FOCAD: variants seen among roughly 807,000 people sequenced by gnomAD.
FOCAD encodes the protein focadhesin, also known as KIAA1797.
In FOCAD, 198 loss-of-function variants were observed where a neutral mutation model predicts 225.6. The observed-to-expected ratio is 0.88, with a 90% CI of 0.78 to 0.99. The LOEUF is 0.99. Among genes scored for constraint, FOCAD ranks in the 50% least tolerant of loss-of-function variants. The pLI is 0.00. For synonymous variants in FOCAD, 897 were observed against 755.0 expected (o/e 1.19, Z -3.08); for missense variants, 2,713 against 2,123.6 (o/e 1.28, Z -5.46).
chr9:20,776,931 TGTGTTG>T (rs1818815547), intron 8 of FOCAD, among the ~76,000 whole-genome samples: 1 of 152,222 alleles, frequency 6.6e-6, no homozygotes, highest in South Asian at 2.1e-4. Context: ...ATACTGTAAG[TGTGTTG>T]GTTTCAAAAT....
At chr9:20,854,608 A>G (rs1194850098) in intron 15 of FOCAD, among the ~76,000 whole-genome samples, 2 of 151,798 alleles carry the variant, frequency 1.3e-5, no homozygotes, top group African/African-American at 4.8e-5. Flanking sequence ...TTGTGGAAGA[A>G]TAACATGGGA....
chr9:20,946,722 T>G lies in FOCAD; in HGVS notation c.3577T>G (p.Cys1193Gly). Residue 1193 changes from cysteine (C) to glycine (G), a missense_variant, in exon 30 of 44, where the codon TGT (cysteine) becomes GGT (glycine). Transcript: ENST00000338382. ...TCAGGTCCTTGCCTACACACTTAGC[T>G]GTGTATGTACATCAGCGTTCAGTGC... is the stretch of plus-strand genomic sequence containing the variant. Reference protein sequence around the residue: ...FQEVLAYTLSCVCTSAFSAGI... With the variant: ...FQEVLAYTLSGVCTSAFSAGI... 6.2e-7 allele frequency: 1 copy of G among 1,613,518 alleles called. No individual in the cohort carries two copies. Among genetic ancestry groups the G allele is most frequent in the South Asian group, 1.1e-5 (1 of 91,044 alleles).
Position 20,823,000 on chromosome 9 carries a change from A to G in FOCAD, c.1805A>G (p.His602Arg), listed in dbSNP as rs754854567. 24 of 1,597,912 alleles carry G rather than the reference A, an allele frequency of 1.5e-5. No individual in the cohort carries two copies. The highest frequency in any genetic ancestry group is 2.0e-5 in the Non-Finnish European group (23 of 1,174,962). The change falls in exon 15 of 44, where the codon CAT becomes CGT. Residue 602 changes from histidine to arginine, a missense_variant. Physicochemically the swap from His to Arg is conservative, Grantham distance 29 (BLOSUM62 0). Transcript: ENST00000338382. ...RDICKQRPYQHGADMLAAISQ... is the reference protein window; with the variant it reads ...RDICKQRPYQRGADMLAAISQ... Reference sequence around the variant, plus strand: ...TTCATTTCTTGTAGGCCATATCAACATGGTGCAGATATGTTGGCAGCTATT... The same window carrying G: ...TTCATTTCTTGTAGGCCATATCAACGTGGTGCAGATATGTTGGCAGCTATT...
intron 22 of FOCAD, among the ~76,000 whole-genome samples, chr9:20,910,610 T>C (rs1041920624): frequency 2.6e-5 from 4 of 152,080 alleles, no homozygotes; most frequent in African/African-American, 4.8e-5. Flanking sequence ...AGATTAATCA[T>C]TGGAATCTAC....
intron 8 of FOCAD, among the ~76,000 whole-genome samples, chr9:20,772,843 C>T (rs1450775692): frequency 2.0e-5 from 3 of 151,708 alleles, no homozygotes; most frequent in Admixed American, 1.3e-4. Flanking sequence ...TATACTGGGA[C>T]TCTAAATAAC....
intron 1 of FOCAD, among the ~76,000 whole-genome samples, chr9:20,693,324 C>T (rs1175335953): frequency 1.3e-5 from 2 of 152,202 alleles, no homozygotes; most frequent in Non-Finnish European, 2.9e-5. Context: ...TCAGGCTACT[C>T]GAGTACTTCC....
intron 2 of FOCAD, among the ~76,000 whole-genome samples, chr9:20,671,248 A>G (rs147700874): frequency 1.3e-5 from 2 of 152,344 alleles, no homozygotes; most frequent in East Asian, 1.9e-4. Context: ...AAACATCTAT[A>G]TATTGAACTC....
intron 2 of FOCAD, among the ~76,000 whole-genome samples, chr9:20,660,659 C>T (rs1187510066): frequency 6.6e-6 from 1 of 151,912 alleles, no homozygotes; most frequent in African/African-American, 2.4e-5. Flanking sequence ...GAGAAGTGGC[C>T]AACAGTATCA....
At position 20,976,558 on chromosome 9, in the gene FOCAD, A is replaced by G. The variant is rs1246056499; in HGVS notation, c.4261+10A>G. The G allele has an allele frequency of 1.2e-6, 2 of 1,611,780 alleles. No individual in the cohort carries two copies. The highest frequency in any genetic ancestry group is 2.2e-5 in the South Asian group (2 of 91,038). ...ATGAGGCTAAATTTTGGTAAATATC[A>G]TGTGTTTTTAAGTCTTCAGACTTTG... On this transcript the variant is annotated intron_variant, in intron 36 of 43. Coordinates refer to ENST00000338382, the MANE Select transcript of FOCAD (RefSeq NM_001375567.1).
At chr9:20,781,683 T>C (rs756514721) in intron 9 of FOCAD, 44 bp from the exon 10 acceptor site, 2 of 1,564,358 alleles carry the variant, frequency 1.3e-6, no homozygotes, top group South Asian at 2.2e-5. Context: ...TGTTTGACTG[T>C]GGTATTAATT....
At chr9:20,758,568 A>G (rs373141562) in intron 6 of FOCAD, among the ~76,000 whole-genome samples, 1 of 122,040 alleles carries the variant, frequency 8.2e-6, no homozygotes, top group Non-Finnish European at 1.6e-5. Context: ...TCCTGTGTCC[A>G]TGTGTTCTCA....
intron 32 of FOCAD, 71 bp downstream of exon 32, chr9:20,948,999 G>C: frequency 7.2e-7 from 1 of 1,396,322 alleles, no homozygotes; most frequent in Non-Finnish European, 1.0e-6. Flanking sequence ...AGAATACCCA[G>C]TGTTTTAGTA....
intron 6 of FOCAD, among the ~76,000 whole-genome samples, chr9:20,761,652 C>A (rs537271462): frequency 1.2e-4 from 19 of 152,186 alleles, no homozygotes; most frequent in Middle Eastern, 3.4e-3. Flanking sequence ...AATATCCTGA[C>A]CTCATGATCC....
intron 35 of FOCAD, among the ~76,000 whole-genome samples, chr9:20,960,339 T>G (rs1314157488): frequency 6.6e-6 from 1 of 152,234 alleles, no homozygotes; most frequent in Non-Finnish European, 1.5e-5. Context: ...ACGTCTCAGC[T>G]GCCTCCACTG....
chr9:20,957,588 C>T, intron 35 of FOCAD: 1 of 142,970 alleles, frequency 7.0e-6, no homozygotes, highest in Non-Finnish European at 1.5e-5. Context: ...GATTGGCCTG[C>T]CTCAGCCTCC....
chr9:20,826,883 T>C (rs1255735744), intron 15 of FOCAD, among the ~76,000 whole-genome samples: 1 of 152,144 alleles, frequency 6.6e-6, no homozygotes, highest in Non-Finnish European at 1.5e-5. Flanking sequence ...AAATAATTAA[T>C]GTTCCTGCAT....
chr9:20,866,878 TGTTTGCTTGC>T, intron 17 of FOCAD, 41 bp from the exon 18 acceptor site: 1 of 1,145,296 alleles, frequency 8.7e-7, no homozygotes, highest in Non-Finnish European at 1.2e-6. Flanking sequence ...TGTGTTTTTT[TGTTTGCTTGC>T]TTTTTTTTTT....
chr9:20,677,949 G>A (rs1822283951), intron 2 of FOCAD, among the ~76,000 whole-genome samples: 1 of 152,138 alleles, frequency 6.6e-6, no homozygotes, highest in Admixed American at 6.5e-5. Flanking sequence ...AAAGATGATT[G>A]GATAAAGAAA....
At chr9:20,817,145 T>C (rs951565544) in intron 11 of FOCAD, among the ~76,000 whole-genome samples, 1 of 152,208 alleles carries the variant, frequency 6.6e-6, no homozygotes, top group Non-Finnish European at 1.5e-5. Context: ...ATCAAGTAAG[T>C]GCTTTGCTTA....
Sources: allele counts gnomAD v4.1 joint callset (sites outside exome capture counted in the v4.1 genomes callset), GRCh38; gene constraint gnomAD v4.1.1; transcripts MANE v1.5; gene names NCBI Gene and HGNC (gene_info 2026-07-23, HGNC 2026-07-21).